Variants in B4GALT1 observed in about 807,000 individuals in gnomAD.
The protein encoded by B4GALT1 is N-acetyllactosamine synthase.
In B4GALT1, 16 loss-of-function variants were observed where a neutral mutation model predicts 34.9. The ratio of observed to expected loss-of-function variants is 0.46; its 90% CI spans 0.31 to 0.70. The LOEUF is 0.70. Ranked by LOEUF, B4GALT1 falls within the 30% of genes least tolerant of loss-of-function variation. The pLI is 0.05. For synonymous variants in B4GALT1, 221 were observed against 218.1 expected, an observed-to-expected ratio of 1.01 and a Z score of -0.12; for missense variants, 445 against 530.5, an observed-to-expected ratio of 0.84 and a Z score of 1.58.
At chr9:33,133,178 C>T (rs1840218734) in intron 2 of B4GALT1, among the ~76,000 whole-genome samples, 1 of 152,214 alleles carries the variant, frequency 6.6e-6, no homozygotes, top group South Asian at 2.1e-4. Context: ...GCTGGGATTA[C>T]AGGCATGAGC....
the B4GALT1 span, among the ~76,000 whole-genome samples, chr9:33,181,924 T>C: frequency 6.6e-6 from 1 of 151,458 alleles, no homozygotes; most frequent in African/African-American, 2.4e-5. Context: ...TATCAAGGTG[T>C]CAGCAGGGAC....
chr9:33,163,646 T>C (rs1328815225), intron 1 of B4GALT1, among the ~76,000 whole-genome samples: 1 of 152,094 alleles, frequency 6.6e-6, no homozygotes, highest in African/African-American at 2.4e-5. Flanking sequence ...TGCTGCCCAA[T>C]CTGAGCAGAG....
At chr9:33,116,245 T>A (rs891075083) in intron 3 of B4GALT1, 132 bp from the exon 4 acceptor site, 33 of 1,220,414 alleles carry the variant, frequency 2.7e-5, no homozygotes, top group East Asian at 3.2e-5. Flanking sequence ...TATTTATTTT[T>A]TTTTTGAGAC....
intron 1 of B4GALT1, among the ~76,000 whole-genome samples, chr9:33,164,583 T>C (rs554275920): frequency 6.6e-6 from 1 of 152,290 alleles, no homozygotes; most frequent in African/African-American, 2.4e-5. Context: ...AAGTAGCCAA[T>C]TATAGTCCAT....
At chr9:33,140,606 T>C (rs920070788) in intron 1 of B4GALT1, among the ~76,000 whole-genome samples, 1 of 152,254 alleles carries the variant, frequency 6.6e-6, no homozygotes, top group Non-Finnish European at 1.5e-5. Flanking sequence ...CACGTGGAAC[T>C]AGGCAGTGCC....
intron 2 of B4GALT1, among the ~76,000 whole-genome samples, chr9:33,129,169 GC>G (rs1204159325): frequency 4.1e-4 from 62 of 152,062 alleles, no homozygotes; most frequent in East Asian, 9.7e-4. Flanking sequence ...AAGACCATTT[GC>G]CTTACTCTGG....
chr9:33,112,051 G>A lies in B4GALT1; in HGVS notation c.*1403C>T, dbSNP rs1010460454. ...TGAGTGCCACAGTCAAGTTTTAGGG[G>A]ACAGGCAAGAGGCAAAGGAACAAAA... On this transcript the variant is annotated 3_prime_UTR_variant, in exon 6 of 6. Transcript: ENST00000379731. 1 of 152,794 alleles carries A rather than the reference G, an allele frequency of 6.5e-6. No homozygotes were observed. Among genetic ancestry groups the A allele is most frequent in the African/African-American group, 2.4e-5 (1 of 41,430 alleles). The allele number at this position is 152,794 out of a possible 1,614,324, so 9.5% of individuals were successfully genotyped here. A position where few individuals can be genotyped will look rare whatever the true frequency, so the allele number is the denominator to read the frequency against.
chr9:33,131,421 G>A (rs75914159), intron 2 of B4GALT1, among the ~76,000 whole-genome samples: 1,731 of 152,322 alleles, frequency 0.011, 50 homozygotes, highest in East Asian at 0.11. Flanking sequence ...CAAGTAGAAT[G>A]AAACCCTTGT....
the B4GALT1 span, chr9:33,177,392 G>A: frequency 6.6e-6 from 1 of 152,164 alleles, no homozygotes; most frequent in African/African-American, 2.4e-5. Context: ...ACTTCTGGGT[G>A]TTAATTTGTT....
At chr9:33,143,600 AG>A (rs968016338) in intron 1 of B4GALT1, among the ~76,000 whole-genome samples, 4 of 152,246 alleles carry the variant, frequency 2.6e-5, no homozygotes, top group Admixed American at 2.6e-4. Flanking sequence ...AGCCTGGGGC[AG>A]GGGCCCAGGA....
chr9:33,110,175 TG>T (rs1391034393), downstream of B4GALT1, among the ~76,000 whole-genome samples: 1 of 152,240 alleles, frequency 6.6e-6, no homozygotes, highest in African/African-American at 2.4e-5. Flanking sequence ...AGGAGGCACC[TG>T]GGTAAAAACT....
At chr9:33,116,521 C>CT (rs577170197) in intron 3 of B4GALT1, among the ~76,000 whole-genome samples, 22,237 of 106,856 alleles carry the variant, frequency 0.21, 3,331 homozygotes, top group African/African-American at 0.35. Context: ...CAAACCGGAT[C>CT]TTTTTTTTTT....
intron 4 of B4GALT1, among the ~76,000 whole-genome samples, chr9:33,114,936 G>C (rs1839918050): frequency 6.6e-6 from 1 of 152,094 alleles, no homozygotes; most frequent in African/African-American, 2.4e-5. Flanking sequence ...TGACCATTCA[G>C]ACCTGTGGTA....
chr9:33,156,432 C>A (rs1388310429), intron 1 of B4GALT1, among the ~76,000 whole-genome samples: 1 of 152,176 alleles, frequency 6.6e-6, no homozygotes, highest in Non-Finnish European at 1.5e-5. Flanking sequence ...CTGTGCCCGG[C>A]CAGGATCTGT....
chr9:33,154,884 C>A (rs768178077), intron 1 of B4GALT1, among the ~76,000 whole-genome samples: 1 of 151,850 alleles, frequency 6.6e-6, no homozygotes, highest in Non-Finnish European at 1.5e-5. Context: ...ATTTTATATG[C>A]GGTCCAAGAC....
intron 3 of B4GALT1, among the ~76,000 whole-genome samples, chr9:33,119,340 T>A (rs1376772380): frequency 1.3e-5 from 2 of 152,228 alleles, no homozygotes; most frequent in Non-Finnish European, 2.9e-5. Context: ...GCCACTTCAC[T>A]AGGGGCATTT....
chr9:33,122,577 C>T (rs1257284596), intron 2 of B4GALT1, among the ~76,000 whole-genome samples: 1 of 152,072 alleles, frequency 6.6e-6, no homozygotes, highest in Non-Finnish European at 1.5e-5. Flanking sequence ...TGCCTGTGTG[C>T]GTACAGAATG....
At chr9:33,117,046 A>T (rs548183913) in intron 3 of B4GALT1, among the ~76,000 whole-genome samples, 1 of 152,284 alleles carries the variant, frequency 6.6e-6, no homozygotes, top group South Asian at 2.1e-4. Context: ...TGGCTCAGGA[A>T]TCTGCTTCTC....
At chr9:33,174,924 T>G in the B4GALT1 span, among the ~76,000 whole-genome samples, 1 of 125,114 alleles carries the variant, frequency 8.0e-6, no homozygotes, top group Non-Finnish European at 1.6e-5. Flanking sequence ...GCCACTGCAC[T>G]CTATAGCCTG....
Sources: allele counts gnomAD v4.1 joint callset (sites outside exome capture counted in the v4.1 genomes callset), GRCh38; gene constraint gnomAD v4.1.1; transcripts MANE v1.5; gene names NCBI Gene and HGNC (gene_info 2026-07-23, HGNC 2026-07-21).